SUCO: variants seen among roughly 807,000 people sequenced by gnomAD.
The protein encoded by SUCO is SUN domain-containing ossification factor.
Under a neutral mutation model 148.1 loss-of-function variants are expected in SUCO, and 57 were observed. The ratio of observed to expected loss-of-function variants is 0.38; its 90% CI spans 0.31 to 0.48. The LOEUF is 0.48. Among genes scored for constraint, SUCO ranks in the 20% least tolerant of loss-of-function variants. The pLI, the probability that SUCO is intolerant of heterozygous loss-of-function variation, is 0.96. For missense variants in SUCO, 1,331 were observed against 1,468.2 expected, an observed-to-expected ratio of 0.91 and a Z score of 1.53; for synonymous variants, 470 against 502.7, an observed-to-expected ratio of 0.93 and a Z score of 0.87.
At chr1:172,609,374 C>T in intron 23 of SUCO, 1 of 976,444 alleles carries the variant, frequency 1.0e-6, no homozygotes. Context: ...AGGCAAATAG[C>T]CTAAGATTCA....
intron 6 of SUCO, among the ~76,000 whole-genome samples, chr1:172,559,080 C>T (rs750913396): frequency 6.6e-6 from 1 of 152,134 alleles, no homozygotes; most frequent in South Asian, 2.1e-4. Flanking sequence ...AACTCTGTCC[C>T]GTTAAGTTTG....
rs1302152226 is a variant in SUCO, at chr1:172,577,838, C to T, written c.1340+19C>T. 3.8e-6 allele frequency: 6 copies of T among 1,574,384 alleles called. No individual in the cohort carries two copies. The Admixed American group carries it at 7.4e-5, about 20-fold the overall frequency. On this transcript the variant is annotated intron_variant, in intron 13 of 23. Transcript: ENST00000263688. ...TTATAAGGTAATGCAGAACAAAATACATTTATTGAGTTTTTAAAAAAATTG... is the reference window on the plus strand; with the variant it reads ...TTATAAGGTAATGCAGAACAAAATATATTTATTGAGTTTTTAAAAAAATTG...
chr1:172,578,594 C>G, intron 14 of SUCO: 1 of 932,388 alleles, frequency 1.1e-6, no homozygotes, highest in Non-Finnish European at 1.3e-6. Flanking sequence ...CCAAGCTTAT[C>G]TATCACTTAT....
At chr1:172,590,608 C>T (rs917859016) in intron 18 of SUCO, among the ~76,000 whole-genome samples, 1 of 152,090 alleles carries the variant, frequency 6.6e-6, no homozygotes, top group Admixed American at 6.6e-5. Context: ...CCTTTTCTTA[C>T]ATCTCTTAAA....
chr1:172,553,672 A>C lies in SUCO; in HGVS notation c.288+302A>C, dbSNP rs191364145. 1.6e-4 allele frequency among the ~76,000 whole-genome samples: 24 copies of C among 152,212 alleles called. No individual in the cohort carries two copies. In the East Asian group the frequency reaches 4.4e-3, roughly 28 times the overall value. On this transcript the variant is annotated intron_variant, in intron 3 of 23. Transcript: ENST00000263688. ...TTGTCTCTTCAGATTTTCAGTTGTT[A>C]AGAAATTTTTTTCTAACCTGAATCA...
In SUCO at chr1:172,610,646, C is replaced by A; in HGVS notation, c.*387C>A. On this transcript the variant is annotated 3_prime_UTR_variant, in exon 24 of 24. Coordinates refer to ENST00000263688, the MANE Select transcript of SUCO (RefSeq NM_014283.5). ...ATGTGCCTTTTGTCTATTTATAATG[C>A]CACTGGAAGAGGAGGGATAACTTTT... The A allele has an allele frequency of 6.3e-6, 1 of 159,138 alleles. No homozygotes were observed. The highest frequency in any genetic ancestry group is 1.4e-5 in the Non-Finnish European group (1 of 72,716). The allele number at this position is 159,138 out of a possible 1,614,324, so 9.9% of individuals were successfully genotyped here. A position where few individuals can be genotyped will look rare whatever the true frequency, so the allele number is the denominator to read the frequency against.
At chr1:172,600,635 T>A (rs1558213597) in intron 20 of SUCO, among the ~76,000 whole-genome samples, 1 of 151,858 alleles carries the variant, frequency 6.6e-6, no homozygotes, top group Non-Finnish European at 1.5e-5. Context: ...TAGAATACAT[T>A]TAGTAAATAA....
chr1:172,533,234 G>T lies in SUCO; in HGVS notation c.-202G>T, dbSNP rs944134873. On this transcript the variant is annotated 5_prime_UTR_variant, in exon 1 of 24. Transcript: ENST00000263688. ...GGCGGTCCCCGGAGTCCTGTGAAGC[G>T]CCCCTGTCCGCGCCTCTGTGGGGCC... 2.6e-6 allele frequency: 4 copies of T among 1,545,000 alleles called. No individual in the cohort carries two copies. Among genetic ancestry groups the T allele is most frequent in the African/African-American group, 1.4e-5 (1 of 72,834 alleles).
chr1:172,564,633 A>G (rs373060482), intron 6 of SUCO, among the ~76,000 whole-genome samples: 10 of 151,188 alleles, frequency 6.6e-5, no homozygotes, highest in African/African-American at 1.9e-4. Flanking sequence ...AAATTACCCA[A>G]TCTCAGGTTG....
At chr1:172,538,050 G>T (rs1322910889) in intron 1 of SUCO, among the ~76,000 whole-genome samples, 7 of 152,156 alleles carry the variant, frequency 4.6e-5, no homozygotes, top group Non-Finnish European at 8.8e-5. Flanking sequence ...GAAAGGATTT[G>T]ATTATCATGC....
intron 9 of SUCO, among the ~76,000 whole-genome samples, chr1:172,571,151 C>A (rs148631241): frequency 1.3e-5 from 2 of 152,260 alleles, no homozygotes; most frequent in Non-Finnish European, 2.9e-5. Flanking sequence ...CACACTGCAG[C>A]CTCCCTGCCT....
At chr1:172,539,699 CCTCA>C (rs1348429318) in intron 1 of SUCO, among the ~76,000 whole-genome samples, 2 of 152,160 alleles carry the variant, frequency 1.3e-5, no homozygotes, top group Non-Finnish European at 2.9e-5. Context: ...AAGAACAGTG[CCTCA>C]CTCGTAGTAA....
chr1:172,589,897 T>C lies in SUCO; in HGVS notation c.2796T>C (p.Ser932=). The change falls in exon 18 of 24, where the codon AGT becomes AGC. Residue 932 remains serine, a synonymous_variant. Coordinates refer to ENST00000263688, the MANE Select transcript of SUCO (RefSeq NM_014283.5). ...CCTTAGAAGTTAACATGTCTCTCAG[T>C]GGTCGCTATCTGGAGGAGCTTAGCC... ...IKALEVNMSL[S]GRYLEELSQR... is the part of the protein sequence containing the mutation. 1 of 1,537,278 alleles carries C rather than the reference T, an allele frequency of 6.5e-7. No individual in the cohort carries two copies. The highest frequency in any genetic ancestry group is 8.7e-7 in the Non-Finnish European group (1 of 1,153,638).
At chr1:172,558,606 C>T (rs1653916798) in intron 6 of SUCO, among the ~76,000 whole-genome samples, 1 of 152,136 alleles carries the variant, frequency 6.6e-6, no homozygotes, top group African/African-American at 2.4e-5. Flanking sequence ...AAACTTCATT[C>T]TGGAGACTTT....
At chr1:172,565,590 C>T (rs74124241) in intron 6 of SUCO, among the ~76,000 whole-genome samples, 5,114 of 152,160 alleles carry the variant, frequency 0.034, 263 homozygotes, top group African/African-American at 0.11. Flanking sequence ...TAGTGCACCC[C>T]GGGTGCAGCC....
intron 17 of SUCO, among the ~76,000 whole-genome samples, chr1:172,587,899 C>CA (rs1332205974): frequency 1.3e-5 from 2 of 152,086 alleles, no homozygotes; most frequent in Admixed American, 6.6e-5. Context: ...GAAGGAATCA[C>CA]AAGCATTATA....
chr1:172,542,146 G>A (rs1264731317), intron 1 of SUCO, among the ~76,000 whole-genome samples: 1 of 152,078 alleles, frequency 6.6e-6, no homozygotes, highest in Admixed American at 6.5e-5. Context: ...TTGGGAGGTC[G>A]AGGCAGGCGG....
chr1:172,552,524 C>T lies in SUCO; in HGVS notation c.178-736C>T, dbSNP rs149410081. On this transcript the variant is annotated intron_variant, in intron 2 of 23. Transcript: ENST00000263688. Reference sequence around the variant, plus strand: ...GCACACATGTGGGTGTGTGTATCAACACATACTTACAATTACATACTTGAG... The same window carrying T: ...GCACACATGTGGGTGTGTGTATCAATACATACTTACAATTACATACTTGAG... The T allele has an allele frequency of 1.6e-3, 838 of 516,740 alleles. 8 individuals are homozygous for T. In the African/African-American group the frequency reaches 0.017, roughly 10 times the overall value. 32.0% of individuals were successfully genotyped at this position (516,740 alleles called of 1,614,324 possible).
intron 1 of SUCO, among the ~76,000 whole-genome samples, chr1:172,541,082 T>C (rs1376435762): frequency 1.3e-5 from 2 of 152,052 alleles, no homozygotes; most frequent in Non-Finnish European, 2.9e-5. Flanking sequence ...CAACCTCAGG[T>C]TGAAAATATA....
Sources: allele counts gnomAD v4.1 joint callset (sites outside exome capture counted in the v4.1 genomes callset), GRCh38; gene constraint gnomAD v4.1.1; transcripts MANE v1.5; gene names NCBI Gene and HGNC (gene_info 2026-07-23, HGNC 2026-07-21).